Variants in ARHGAP26 observed in about 807,000 individuals in gnomAD.
The protein encoded by ARHGAP26 is rho GTPase-activating protein 26.
In ARHGAP26, 38 loss-of-function variants were observed where a neutral mutation model predicts 104.8. The observed-to-expected ratio is 0.36, with a 90% confidence interval of 0.28 to 0.48. The LOEUF is 0.48. ARHGAP26 is among the 20% of genes least tolerant of loss of function. The probability of loss-of-function intolerance (pLI) is 0.99; values close to 1 mark genes in which losing one functional copy is unlikely to be tolerated. For missense variants in ARHGAP26, 704 were observed against 947.9 expected, an observed-to-expected ratio of 0.74 and a Z score of 3.38; for synonymous variants, 341 against 340.0, an observed-to-expected ratio of 1.00 and a Z score of -0.03.
intron 1 of ARHGAP26, among the ~76,000 whole-genome samples, chr5:142,808,908 C>T (rs1763546040): frequency 1.3e-5 from 2 of 152,204 alleles, no homozygotes; most frequent in South Asian, 4.1e-4. Flanking sequence ...TATGTTTCAT[C>T]CATATATGGC....
chr5:143,025,904 A>G (rs1481164454), intron 12 of ARHGAP26, among the ~76,000 whole-genome samples: 1 of 151,540 alleles, frequency 6.6e-6, no homozygotes, highest in Admixed American at 6.6e-5. Flanking sequence ...CCTGCTACCT[A>G]TTTTACTTTA....
intron 19 of ARHGAP26, among the ~76,000 whole-genome samples, chr5:143,145,727 T>G (rs185031110): frequency 6.6e-6 from 1 of 152,248 alleles, no homozygotes; most frequent in Non-Finnish European, 1.5e-5. Flanking sequence ...CAATTCAATC[T>G]ACTTTTTCCA....
chr5:142,923,246 A>G (rs942605262), intron 10 of ARHGAP26, among the ~76,000 whole-genome samples: 4 of 152,092 alleles, frequency 2.6e-5, no homozygotes, highest in Admixed American at 6.5e-5. Context: ...ATGGAGTTTT[A>G]TTGGTTGAAT....
At chr5:142,991,671 T>C (rs112235151) in intron 11 of ARHGAP26, among the ~76,000 whole-genome samples, 162 of 152,352 alleles carry the variant, frequency 1.1e-3, no homozygotes, top group African/African-American at 3.7e-3. Context: ...GAAATACTAT[T>C]GTGTGTCAGT....
intron 19 of ARHGAP26, among the ~76,000 whole-genome samples, chr5:143,134,370 C>T (rs538748966): frequency 1.3e-5 from 2 of 152,298 alleles, no homozygotes; most frequent in African/African-American, 2.4e-5. Flanking sequence ...GTCTCTTTTC[C>T]TCCTGCTCCT....
intron 11 of ARHGAP26, among the ~76,000 whole-genome samples, chr5:142,978,537 C>A (rs1163256075): frequency 6.6e-6 from 1 of 152,088 alleles, no homozygotes; most frequent in Non-Finnish European, 1.5e-5. Context: ...GAATTTAGGT[C>A]CCATCCCTGA....
chr5:143,133,885 A>G, intron 18 of ARHGAP26, 82 bp from the exon 19 acceptor site: 3 of 1,371,046 alleles, frequency 2.2e-6, no homozygotes, highest in Middle Eastern at 1.9e-4. Flanking sequence ...GACACTGCCA[A>G]GCTTTCCGTT....
At chr5:142,992,257 C>G (rs1775720775) in intron 11 of ARHGAP26, among the ~76,000 whole-genome samples, 1 of 151,772 alleles carries the variant, frequency 6.6e-6, no homozygotes, top group African/African-American at 2.4e-5. Flanking sequence ...AAATATTTAC[C>G]TGAGATTTGT....
intron 1 of ARHGAP26, among the ~76,000 whole-genome samples, chr5:142,846,684 A>G (rs940212153): frequency 1.3e-5 from 2 of 152,164 alleles, no homozygotes; most frequent in African/African-American, 4.8e-5. Context: ...AGAGACTTAC[A>G]TTTTGTGCTG....
In ARHGAP26 at chr5:143,226,226, A is replaced by G. The variant is rs1397167279; in HGVS notation, c.*3780A>G. 5.6e-6 allele frequency: 1 copy of G among 180,054 alleles called. No homozygotes were observed. Among genetic ancestry groups the G allele is most frequent in the Non-Finnish European group, 1.2e-5 (1 of 84,230 alleles). 11.2% of individuals were successfully genotyped at this position (180,054 alleles called of 1,614,324 possible). Reference sequence around the variant, plus strand: ...GCCGGGTGCAGTGGCTCACGCCTATAATCCCAGCACTTTGGGAGGCCGAGG... The same window carrying G: ...GCCGGGTGCAGTGGCTCACGCCTATGATCCCAGCACTTTGGGAGGCCGAGG... On this transcript the variant is annotated 3_prime_UTR_variant, in exon 23 of 23. Transcript: ENST00000645722.
intron 20 of ARHGAP26, among the ~76,000 whole-genome samples, chr5:143,161,004 ATTTTT>A (rs11361288): frequency 1.1e-5 from 1 of 93,540 alleles, no homozygotes; most frequent in Non-Finnish European, 2.1e-5. Context: ...GCTATTTCAG[ATTTTT>A]TTTTTTTTTT....
intron 3 of ARHGAP26, 129 bp downstream of exon 3, chr5:142,875,300 C>G (rs1214997275): frequency 1.3e-5 from 12 of 890,518 alleles, no homozygotes; most frequent in Non-Finnish European, 2.2e-5. Flanking sequence ...CTTCAGCAAG[C>G]CTCATCTTTG....
At chr5:143,026,505 G>T (rs936901415) in intron 12 of ARHGAP26, among the ~76,000 whole-genome samples, 7 of 152,118 alleles carry the variant, frequency 4.6e-5, no homozygotes, top group African/African-American at 1.7e-4. Context: ...CGTGTCAGGA[G>T]TGGGTAGATG....
intron 1 of ARHGAP26, among the ~76,000 whole-genome samples, chr5:142,864,293 T>C (rs1753872253): frequency 6.6e-6 from 1 of 152,204 alleles, no homozygotes; most frequent in Non-Finnish European, 1.5e-5. Flanking sequence ...CCCCAGGCAG[T>C]GGACAGAAAG....
At chr5:142,837,608 G>A (rs1288826544) in intron 1 of ARHGAP26, among the ~76,000 whole-genome samples, 1 of 152,194 alleles carries the variant, frequency 6.6e-6, no homozygotes, top group Admixed American at 6.5e-5. Flanking sequence ...CAGCTGCGGA[G>A]CTTAAGGGTG....
intron 17 of ARHGAP26, among the ~76,000 whole-genome samples, chr5:143,080,951 G>A (rs1431146898): frequency 6.6e-6 from 1 of 152,070 alleles, no homozygotes; most frequent in Non-Finnish European, 1.5e-5. Context: ...GGCACATTTG[G>A]GATATATTTT....
chr5:142,943,540 T>G (rs1009734696), intron 11 of ARHGAP26, among the ~76,000 whole-genome samples: 3 of 152,184 alleles, frequency 2.0e-5, no homozygotes, highest in East Asian at 3.9e-4. Flanking sequence ...TGTCATGATG[T>G]AATCACCCCA....
intron 1 of ARHGAP26, among the ~76,000 whole-genome samples, chr5:142,778,685 A>G (rs1349298687): frequency 1.3e-5 from 2 of 152,318 alleles, no homozygotes; most frequent in Non-Finnish European, 2.9e-5. Flanking sequence ...TTATTTGCAC[A>G]CCTGCTTTTG....
At position 142,799,794 on chromosome 5, in the gene ARHGAP26, A is replaced by G. The variant is rs565930400; in HGVS notation, c.154+28879A>G. 2.6e-5 allele frequency among the ~76,000 whole-genome samples: 4 copies of G among 152,324 alleles called. No individual in the cohort carries two copies. The South Asian group carries it at 6.2e-4, about 24-fold the overall frequency. ...CTGTGATAATAAACTCACTCCCATG[A>G]TTACAGCATTGATTCATTCATGAGG... On this transcript the variant is annotated intron_variant, in intron 1 of 22. Transcript: ENST00000645722.
Sources: allele counts gnomAD v4.1 joint callset (sites outside exome capture counted in the v4.1 genomes callset), GRCh38; gene constraint gnomAD v4.1.1; transcripts MANE v1.5; gene names NCBI Gene and HGNC (gene_info 2026-07-23, HGNC 2026-07-21).